The following CDH18 variants were observed in gnomAD, a reference collection of about 807,000 sequenced individuals.
CDH18 encodes cadherin 18, also known as cadherin-18.
CDH18 carries 31 observed loss-of-function variants against 67.9 expected under a neutral mutation model. The ratio of observed to expected loss-of-function variants is 0.46; its 90% confidence interval spans 0.34 to 0.62. The LOEUF is 0.62. Ranked by LOEUF, CDH18 falls within the 20% of genes least tolerant of loss-of-function variation. CDH18 has a pLI of 0.01. For synonymous variants in CDH18, 362 were observed against 347.2 expected, an observed-to-expected ratio of 1.04 and a Z score of -0.48; for missense variants, 890 against 975.5, an observed-to-expected ratio of 0.91 and a Z score of 1.17.
chr5:20,197,510 C>T (rs1739075856), intron 2 of CDH18, among the ~76,000 whole-genome samples: 2 of 152,200 alleles, frequency 1.3e-5, no homozygotes, highest in South Asian at 4.1e-4. Flanking sequence ...ATACCCTTGA[C>T]ATGACAATTA....
chr5:20,230,938 T>A (rs1032823245), intron 2 of CDH18, among the ~76,000 whole-genome samples: 1 of 152,160 alleles, frequency 6.6e-6, no homozygotes, highest in Admixed American at 6.5e-5. Context: ...ATAAAAGGTA[T>A]AGATGTTAAA....
chr5:19,710,183 A>T (rs896770701), intron 5 of CDH18, among the ~76,000 whole-genome samples: 1 of 152,166 alleles, frequency 6.6e-6, no homozygotes, highest in African/African-American at 2.4e-5. Context: ...TCTCTTATTC[A>T]GACATTCAGC....
rs144979464 is a variant in CDH18, at chr5:20,243,102, C to T, written c.-518+12342G>A. On this transcript the variant is annotated intron_variant, in intron 2 of 14. Transcript: ENST00000507958. Reference sequence around the variant, plus strand: ...GCTCAGGGAATCAGTGTATCAAAAGCTTTGTTCTATTCAATAAATGGATTC... The same window carrying T: ...GCTCAGGGAATCAGTGTATCAAAAGTTTTGTTCTATTCAATAAATGGATTC... Among the ~76,000 whole-genome samples the T allele has an allele frequency of 3.3e-5, 5 of 152,248 alleles. No homozygotes were observed. In the East Asian group the frequency reaches 9.7e-4, roughly 29 times the overall value.
chr5:19,473,487 T>G lies in CDH18; in HGVS notation c.2112A>C (p.Ser704=). The G allele has an allele frequency of 6.2e-7, 1 of 1,613,850 alleles. No homozygotes were observed. ...EVKLTPRHQT[S]STLESIDVQE... ...GAACATCTATGCTTTCCAGGGTGGA[T>G]GATGTCTGGTGTCTGGGAGTGAGCT... The change falls in exon 13 of 13, where the codon TCA becomes TCC. Residue 704 remains serine (S), a synonymous_variant. Transcript: ENST00000382275.
At chr5:20,272,678 A>T (rs1267573177) in intron 1 of CDH18, among the ~76,000 whole-genome samples, 1 of 152,062 alleles carries the variant, frequency 6.6e-6, no homozygotes, top group African/African-American at 2.4e-5. Flanking sequence ...ACATACTAAC[A>T]AATAGCACTA....
intron 7 of CDH18, among the ~76,000 whole-genome samples, chr5:19,578,027 G>A (rs1380816975): frequency 6.6e-6 from 1 of 152,108 alleles, no homozygotes; most frequent in African/African-American, 2.4e-5. Context: ...TCAGAAGCTG[G>A]AATTGGTGAG....
At chr5:20,522,452 T>A (rs1353338958) in intron 1 of CDH18, among the ~76,000 whole-genome samples, 1 of 152,192 alleles carries the variant, frequency 6.6e-6, no homozygotes, top group African/African-American at 2.4e-5. Flanking sequence ...CTATGGTTTA[T>A]GTGTAATATC....
At chr5:20,347,719 A>G (rs1408711896) in intron 1 of CDH18, among the ~76,000 whole-genome samples, 3 of 152,178 alleles carry the variant, frequency 2.0e-5, no homozygotes, top group African/African-American at 7.2e-5. Context: ...TAGCCCCTCC[A>G]TGGATTTTGG....
chr5:19,953,128 T>C (rs1244557507), intron 2 of CDH18, among the ~76,000 whole-genome samples: 1 of 152,064 alleles, frequency 6.6e-6, no homozygotes, highest in Non-Finnish European at 1.5e-5. Flanking sequence ...ACACAAACAG[T>C]ACTCACAGAG....
rs530283943 is a variant in CDH18, at chr5:20,420,369, T to C, written c.-580+155093A>G. Among the ~76,000 whole-genome samples the C allele has an allele frequency of 2.6e-5, 4 of 151,130 alleles. No homozygotes were observed. In the South Asian group the frequency reaches 8.3e-4, roughly 31 times the overall value. ...CTTATTCTTTATAGAATACCAACAA[T>C]GAAATAAAAACAAAGCAATATACCA... On this transcript the variant is annotated intron_variant, in intron 1 of 14. Transcript: ENST00000507958.
At chr5:20,393,920 G>C (rs111335732) in intron 1 of CDH18, among the ~76,000 whole-genome samples, 2,208 of 151,992 alleles carry the variant, frequency 0.015, 57 homozygotes, top group African/African-American at 0.05. Flanking sequence ...ACAAACAAAT[G>C]AAAATACATC....
At chr5:20,384,440 G>T (rs1348808565) in intron 1 of CDH18, among the ~76,000 whole-genome samples, 3 of 152,040 alleles carry the variant, frequency 2.0e-5, no homozygotes, top group Admixed American at 6.6e-5. Context: ...AGGCTAAATT[G>T]TATTCTGTTG....
At chr5:19,917,198 A>AT (rs904078838) in intron 2 of CDH18, among the ~76,000 whole-genome samples, 10 of 152,098 alleles carry the variant, frequency 6.6e-5, no homozygotes, top group African/African-American at 9.7e-5. Flanking sequence ...CAAATTGTGG[A>AT]TTTTTTAAAA....
chr5:19,657,448 G>A lies in CDH18; in HGVS notation c.644-44847C>T, dbSNP rs184453393. On this transcript the variant is annotated intron_variant, in intron 5 of 12. Transcript: ENST00000382275. Reference sequence around the variant, plus strand: ...ATGTCTCAATATAAAGCAGTATAAGGAATTCATATATCCTTAGAAAAGAAG... The same window carrying A: ...ATGTCTCAATATAAAGCAGTATAAGAAATTCATATATCCTTAGAAAAGAAG... Among the ~76,000 whole-genome samples the A allele has an allele frequency of 2.6e-4, 40 of 152,078 alleles. No homozygotes were observed. The East Asian group carries it at 7.3e-3, about 28-fold the overall frequency.
Position 20,357,116 on chromosome 5 carries a change from A to G in CDH18, c.-579-101611T>C, listed in dbSNP as rs550072917. Among the ~76,000 whole-genome samples the G allele has an allele frequency of 3.3e-5, 5 of 152,100 alleles. No homozygotes were observed. In the South Asian group the frequency reaches 1.0e-3, roughly 32 times the overall value. ...ACAAATATTTACCTGACACTTTATG[A>G]GAAAAAAAATCAGATGGCTTTTAAT... On this transcript the variant is annotated intron_variant, in intron 1 of 14. Transcript: ENST00000507958.
At chr5:19,776,775 C>A (rs556546687) in intron 3 of CDH18, among the ~76,000 whole-genome samples, 11 of 152,186 alleles carry the variant, frequency 7.2e-5, no homozygotes, top group African/African-American at 2.6e-4. Flanking sequence ...AGTGTGGTAT[C>A]TTTGTAACAC....
At chr5:20,186,180 C>G (rs1738086625) in intron 2 of CDH18, among the ~76,000 whole-genome samples, 1 of 151,754 alleles carries the variant, frequency 6.6e-6, no homozygotes, top group Non-Finnish European at 1.5e-5. Flanking sequence ...TAATATAAGC[C>G]CTAAAACTAC....
At chr5:20,359,723 T>C (rs1017644020) in intron 1 of CDH18, among the ~76,000 whole-genome samples, 3 of 152,146 alleles carry the variant, frequency 2.0e-5, no homozygotes, top group Admixed American at 6.5e-5. Flanking sequence ...CTCCACCAGT[T>C]TTCTCTAAGA....
At chr5:19,860,451 T>G (rs1243018885) in intron 2 of CDH18, among the ~76,000 whole-genome samples, 1 of 151,564 alleles carries the variant, frequency 6.6e-6, no homozygotes, top group Non-Finnish European at 1.5e-5. Context: ...TTTTTCCTAT[T>G]ATGGCACTTT....
Sources: gnomAD v4.1 joint callset for allele counts (sites outside exome capture counted in the v4.1 genomes callset) on GRCh38, gnomAD v4.1.1 for gene constraint, MANE v1.5 for transcripts, NCBI Gene and HGNC (gene_info 2026-07-23, HGNC 2026-07-21) for gene names.